Variants in TENM4 observed in about 807,000 individuals in gnomAD.
TENM4 encodes the protein teneurin-4.
A neutral mutation model predicts 243.3 loss-of-function variants in TENM4; 82 were observed. That is an observed-to-expected ratio of 0.34 (90% CI 0.28 to 0.40). TENM4 has a LOEUF of 0.40. Ranked by LOEUF, TENM4 falls within the 10% of genes least tolerant of loss-of-function variation. The pLI, the probability that TENM4 is intolerant of heterozygous loss-of-function variation, is 1.00. For missense variants in TENM4, 3,138 were observed against 3,673.3 expected (o/e 0.85, Z 3.77); for synonymous variants, 1,412 against 1,456.3 (o/e 0.97, Z 0.69).
At chr11:79,199,329 T>G (rs1371225622) in intron 3 of TENM4, among the ~76,000 whole-genome samples, 1 of 152,234 alleles carries the variant, frequency 6.6e-6, no homozygotes, top group African/African-American at 2.4e-5. Flanking sequence ...GTAAGCTGTA[T>G]AAACATTTGC....
chr11:78,939,334 A>G (rs1054048533), intron 6 of TENM4, among the ~76,000 whole-genome samples: 4 of 152,200 alleles, frequency 2.6e-5, no homozygotes, highest in African/African-American at 9.6e-5. Context: ...TAATATAATC[A>G]CGCTCAAACT....
chr11:79,430,240 T>G (rs1020777144), intron 1 of TENM4, among the ~76,000 whole-genome samples: 6 of 151,968 alleles, frequency 3.9e-5, no homozygotes, highest in African/African-American at 1.2e-4. Context: ...CTTTATTTAT[T>G]CCTTGAGAGG....
intron 6 of TENM4, chr11:78,924,643 G>T (rs1856516946): frequency 6.6e-6 from 1 of 152,130 alleles, no homozygotes; most frequent in Non-Finnish European, 1.5e-5. Context: ...ACATAGCAGG[G>T]GTTCACTCCG....
intron 4 of TENM4, 146 bp from the exon 5 acceptor site, chr11:79,070,155 A>G (rs1860374856): frequency 9.5e-6 from 10 of 1,056,922 alleles, no homozygotes; most frequent in South Asian, 5.3e-5. Context: ...TACGCAGCCC[A>G]TAAGTGGCAA....
intron 24 of TENM4, among the ~76,000 whole-genome samples, chr11:78,721,720 A>AGT (rs1859658253): frequency 6.6e-6 from 1 of 152,202 alleles, no homozygotes; most frequent in Non-Finnish European, 1.5e-5. Flanking sequence ...ACTGTGGAGG[A>AGT]AGGCTTTCCA....
At chr11:79,047,185 A>C (rs1176230850) in intron 6 of TENM4, among the ~76,000 whole-genome samples, 1 of 152,192 alleles carries the variant, frequency 6.6e-6, no homozygotes, top group East Asian at 1.9e-4. Context: ...GAAGAAAAAT[A>C]ATACCTCTGA....
At chr11:78,737,071 G>C (rs533397176) in intron 20 of TENM4, among the ~76,000 whole-genome samples, 7 of 152,322 alleles carry the variant, frequency 4.6e-5, no homozygotes, top group Admixed American at 1.3e-4. Flanking sequence ...CTGACGATTT[G>C]CCATCTCACA....
rs910295595 is a variant in TENM4 at position 79,411,734 on chromosome 11, A to C, written c.-321+28775T>G. On this transcript the variant is annotated intron_variant, in intron 1 of 33. Transcript: ENST00000278550. ...TTTCCTCTATCTCATCTCCAGGCACAGTTGTAAGCTCAGGAAGAATTTGTT... is the reference window on the plus strand; with the variant it reads ...TTTCCTCTATCTCATCTCCAGGCACCGTTGTAAGCTCAGGAAGAATTTGTT... Among the ~76,000 whole-genome samples the C allele has an allele frequency of 7.9e-5, 12 of 152,306 alleles. 1 individual carries two copies. The highest frequency in any genetic ancestry group is 3.9e-4 in the Admixed American group (6 of 15,306).
chr11:79,060,375 T>C (rs1395905820), intron 6 of TENM4, among the ~76,000 whole-genome samples: 3 of 152,246 alleles, frequency 2.0e-5, no homozygotes. Context: ...AGAAATTGTC[T>C]TTAATGGACC....
chr11:79,138,128 G>T (rs762378121), intron 4 of TENM4, among the ~76,000 whole-genome samples: 19 of 151,032 alleles, frequency 1.3e-4, no homozygotes, highest in Middle Eastern at 3.4e-3. Context: ...AATGTAAAAA[G>T]AGAGACTGGC....
At chr11:78,786,261 T>A (rs1856933074) in intron 16 of TENM4, among the ~76,000 whole-genome samples, 1 of 152,184 alleles carries the variant, frequency 6.6e-6, no homozygotes, top group Non-Finnish European at 1.5e-5. Flanking sequence ...GGATGGAAGC[T>A]GAGGACGGGG....
chr11:79,256,176 C>A (rs1211628495), intron 2 of TENM4, among the ~76,000 whole-genome samples: 1 of 152,182 alleles, frequency 6.6e-6, no homozygotes, highest in Non-Finnish European at 1.5e-5. Flanking sequence ...CCAGCATCTT[C>A]TCCTGTAGCC....
chr11:79,231,636 G>A (rs1328965132), intron 2 of TENM4, among the ~76,000 whole-genome samples: 1 of 152,180 alleles, frequency 6.6e-6, no homozygotes, highest in Non-Finnish European at 1.5e-5. Context: ...GTCAAATACA[G>A]ATCATGATAC....
intron 9 of TENM4, among the ~76,000 whole-genome samples, chr11:78,880,778 T>C (rs1245380125): frequency 6.6e-6 from 1 of 152,222 alleles, no homozygotes; most frequent in African/African-American, 2.4e-5. Context: ...AGTTTGGAGA[T>C]TATTTTAGGT....
chr11:79,415,929 T>C (rs1436113797), intron 1 of TENM4, among the ~76,000 whole-genome samples: 5 of 150,708 alleles, frequency 3.3e-5, no homozygotes, highest in Non-Finnish European at 7.4e-5. Context: ...CCTGACCTGC[T>C]TCCTATCACA....
intron 2 of TENM4, among the ~76,000 whole-genome samples, chr11:79,266,581 A>T (rs1191551045): frequency 6.6e-6 from 1 of 152,216 alleles, no homozygotes; most frequent in Non-Finnish European, 1.5e-5. Context: ...TACTAGTATC[A>T]GTAGAGGCTC....
intron 1 of TENM4, among the ~76,000 whole-genome samples, chr11:79,407,304 T>G (rs1858594061): frequency 6.6e-6 from 1 of 152,230 alleles, no homozygotes. Flanking sequence ...CTGGACGTCT[T>G]AATGAGGGAT....
chr11:79,095,425 A>G (rs150630733), intron 4 of TENM4, among the ~76,000 whole-genome samples: 48 of 152,368 alleles, frequency 3.2e-4, no homozygotes, highest in African/African-American at 9.6e-4. Flanking sequence ...AAGCCATATC[A>G]TTAATAGCAA....
At position 78,814,442 on chromosome 11, in the gene TENM4, C is replaced by A; in HGVS notation, c.1682-47G>T. ...AGAGTTGAAAACAAATTTCCTTACC[C>A]AAACAGAGAGCCCAGGAATCAAGCT... On this transcript the variant is annotated intron_variant, in intron 12 of 33. Coordinates refer to ENST00000278550, the MANE Select transcript of TENM4 (RefSeq NM_001098816.3). 2.0e-6 allele frequency: 3 copies of A among 1,498,984 alleles called. No homozygotes were observed. In the African/African-American group the frequency reaches 4.2e-5, roughly 21 times the overall value. The allele number at this position is 1,498,984 out of a possible 1,614,324, so 92.9% of individuals were successfully genotyped here.
Sources: gnomAD v4.1 joint callset for allele counts (sites outside exome capture counted in the v4.1 genomes callset) on GRCh38, gnomAD v4.1.1 for gene constraint, MANE v1.5 for transcripts, NCBI Gene and HGNC (gene_info 2026-07-23, HGNC 2026-07-21) for gene names.